The following ATXN10 variants were observed in gnomAD, a reference collection of about 807,000 sequenced individuals.
ATXN10 encodes the protein ataxin 10, also known as ataxin-10.
ATXN10 carries 28 observed loss-of-function variants against 52.9 expected under a neutral mutation model. The observed-to-expected ratio is 0.53, with a 90% CI of 0.39 to 0.73. The LOEUF (loss-of-function observed/expected upper bound fraction) is 0.73, where lower values mean the gene tolerates loss of function less well. ATXN10 is among the 30% of genes least tolerant of loss of function. ATXN10 has a pLI of 0.00. For synonymous variants in ATXN10, 226 were observed against 221.5 expected, an observed-to-expected ratio of 1.02 and a Z score of -0.18; for missense variants, 565 against 577.0, an observed-to-expected ratio of 0.98 and a Z score of 0.21.
At chr22:45,709,730 T>A (rs1924172404) in intron 5 of ATXN10, among the ~76,000 whole-genome samples, 1 of 152,230 alleles carries the variant, frequency 6.6e-6, no homozygotes. Context: ...AAGCTCTAGG[T>A]TTACATATAC....
At chr22:45,768,153 C>A (rs1926652319) in intron 9 of ATXN10, among the ~76,000 whole-genome samples, 2 of 152,108 alleles carry the variant, frequency 1.3e-5, no homozygotes, top group African/African-American at 4.8e-5. Flanking sequence ...GAACTAAAAT[C>A]GTTGAGCCCT....
At chr22:45,682,519 A>G (rs1601586140) in intron 1 of ATXN10, among the ~76,000 whole-genome samples, 1 of 152,150 alleles carries the variant, frequency 6.6e-6, no homozygotes, top group East Asian at 1.9e-4. Flanking sequence ...CATGTTGCCC[A>G]GTCTGGTCTT....
chr22:45,707,520 G>A (rs1924088162), intron 5 of ATXN10, among the ~76,000 whole-genome samples: 1 of 151,140 alleles, frequency 6.6e-6, no homozygotes, highest in Non-Finnish European at 1.5e-5. Flanking sequence ...CTGTAGCTGA[G>A]TTCTGTTTTA....
intron 3 of ATXN10, 151 bp from the exon 4 acceptor site, chr22:45,700,131 C>T (rs1035467210): frequency 1.6e-6 from 1 of 627,360 alleles, no homozygotes; most frequent in Middle Eastern, 4.5e-4. Flanking sequence ...TCATGTTATT[C>T]CCAAAGTGAA....
chr22:45,843,000 A>C lies in ATXN10; in HGVS notation c.1247A>C (p.Gln416Pro), dbSNP rs758540049. 2.0e-5 allele frequency: 32 copies of C among 1,614,210 alleles called. No individual in the cohort carries two copies. The highest frequency in any genetic ancestry group is 2.7e-5 in the Non-Finnish European group (32 of 1,180,024). The change falls in exon 11 of 12, where the codon CAG becomes CCG. Residue 416 changes from glutamine to proline, a missense_variant. Transcript: ENST00000252934. The surrounding 1 kb of genome is among the most constrained non-coding windows in gnomAD (Gnocchi z 4.8). ...NISDSNPFLTQWVIYAIRNLT... is the reference protein window; with the variant it reads ...NISDSNPFLTPWVIYAIRNLT... Reference sequence around the variant, plus strand: ...TTCACTCTGGCTCCAGTTCTGACCCAGTGGGTGATATATGCCATCCGAAAC... The same window carrying C: ...TTCACTCTGGCTCCAGTTCTGACCCCGTGGGTGATATATGCCATCCGAAAC...
At chr22:45,725,589 A>T (rs931805580) in intron 6 of ATXN10, among the ~76,000 whole-genome samples, 1 of 152,270 alleles carries the variant, frequency 6.6e-6, no homozygotes, top group African/African-American at 2.4e-5. Context: ...TTTTCTAGGT[A>T]TATGATCGTA....
rs6007168 is a variant in ATXN10, at chr22:45,822,399, C to T, written c.1237+15377C>T. On this transcript the variant is annotated intron_variant, in intron 10 of 11. Coordinates refer to ENST00000252934, the MANE Select transcript of ATXN10 (RefSeq NM_013236.4). ...TCTTCAGAGTAGTGGTACCTGTTTTCCATCAGCAGTATATGAAAGCTCCTT... is the reference window on the plus strand; with the variant it reads ...TCTTCAGAGTAGTGGTACCTGTTTTTCATCAGCAGTATATGAAAGCTCCTT... Among the ~76,000 whole-genome samples, 573 of 152,218 alleles carry T rather than the reference C, an allele frequency of 3.8e-3. 4 individuals carry two copies. Among genetic ancestry groups the T allele is most frequent in the African/African-American group, 0.013 (541 of 41,508 alleles).
intron 9 of ATXN10, among the ~76,000 whole-genome samples, chr22:45,804,533 A>G (rs1182348882): frequency 6.6e-6 from 1 of 152,232 alleles, no homozygotes; most frequent in Non-Finnish European, 1.5e-5. Context: ...TCAGCGGGAC[A>G]TGGCGTTTGG....
At chr22:45,747,917 T>TA (rs990013532) in intron 9 of ATXN10, among the ~76,000 whole-genome samples, 3 of 150,616 alleles carry the variant, frequency 2.0e-5, no homozygotes, top group African/African-American at 4.9e-5. Flanking sequence ...CTCCCATCTC[T>TA]AAAAAAATAA....
At chr22:45,821,166 A>G (rs149107815) in intron 10 of ATXN10, among the ~76,000 whole-genome samples, 83 of 152,272 alleles carry the variant, frequency 5.5e-4, no homozygotes, top group African/African-American at 1.8e-3. Context: ...AGAGAAGCCA[A>G]AGTGTATCAG....
chr22:45,746,024 T>C (rs973003648), intron 9 of ATXN10, among the ~76,000 whole-genome samples: 1 of 152,170 alleles, frequency 6.6e-6, no homozygotes, highest in Non-Finnish European at 1.5e-5. Context: ...TTTACTGTAA[T>C]TTGCCATCGT....
chr22:45,807,934 A>G (rs1469050606), intron 10 of ATXN10, among the ~76,000 whole-genome samples: 1 of 152,256 alleles, frequency 6.6e-6, no homozygotes, highest in Non-Finnish European at 1.5e-5. Flanking sequence ...GCTTCTGCCA[A>G]GAAGAGAAAA....
At chr22:45,751,738 T>TGG (rs373480625) in intron 9 of ATXN10, among the ~76,000 whole-genome samples, 5 of 124,088 alleles carry the variant, frequency 4.0e-5, no homozygotes, top group East Asian at 2.2e-4. Context: ...TACCTTTTTC[T>TGG]GGAAAAAAAA....
Position 45,772,148 on chromosome 22 carries a change from T to C in ATXN10, c.1173+31610T>C, listed in dbSNP as rs1289691629. ...TGTGTCATTTCAAGAACTCTGTCCC[T>C]AATTCAGAATCACAAGAATTTTCTC... is the stretch of plus-strand genomic sequence containing the variant. On this transcript the variant is annotated intron_variant, in intron 9 of 11. Transcript: ENST00000252934. The surrounding 1 kb of genome is among the most constrained non-coding windows in gnomAD (Gnocchi z 4.1). 2.6e-5 allele frequency among the ~76,000 whole-genome samples: 4 copies of C among 152,232 alleles called. No individual in the cohort carries two copies. The highest frequency in any genetic ancestry group is 5.9e-5 in the Non-Finnish European group (4 of 68,042).
chr22:45,672,238 G>A, intron 1 of ATXN10, 59 bp downstream of exon 1: 1 of 1,423,438 alleles, frequency 7.0e-7, no homozygotes, highest in Non-Finnish European at 9.2e-7. Context: ...GACTCCCGCG[G>A]CGGCCCCGGC....
intron 10 of ATXN10, among the ~76,000 whole-genome samples, chr22:45,807,828 T>C (rs1332883716): frequency 6.6e-6 from 1 of 152,136 alleles, no homozygotes; most frequent in African/African-American, 2.4e-5. Flanking sequence ...ATAAGGCTAC[T>C]GCAAGGACTG....
At position 45,683,375 on chromosome 22, in the gene ATXN10, G is replaced by A. The variant is rs557877299; in HGVS notation, c.117-6337G>A. 3.3e-5 allele frequency among the ~76,000 whole-genome samples: 5 copies of A among 152,206 alleles called. No homozygotes were observed. Among genetic ancestry groups the A allele is most frequent in the Admixed American group, 1.3e-4 (2 of 15,278 alleles). ...GCTTCACATCAGGATAAAAGCCAGC[G>A]TCCTTCCGTGGCCTACTGTGCCTGT... On this transcript the variant is annotated intron_variant, in intron 1 of 11. Coordinates refer to ENST00000252934, the MANE Select transcript of ATXN10 (RefSeq NM_013236.4). This position sits in a 1 kb window ranked among gnomAD's most constrained non-coding sequence, Gnocchi z 4.8.
chr22:45,777,217 A>G (rs1926990783), intron 9 of ATXN10, among the ~76,000 whole-genome samples: 1 of 152,228 alleles, frequency 6.6e-6, no homozygotes, highest in African/African-American at 2.4e-5. Flanking sequence ...GCCTATAATT[A>G]TCAAGATTAT....
chr22:45,760,684 A>C (rs1378684065), intron 9 of ATXN10: 1 of 154,068 alleles, frequency 6.5e-6, no homozygotes, highest in Non-Finnish European at 1.5e-5. Context: ...CTCTTACCTC[A>C]TTTAATGATG....
Sources: gnomAD v4.1 joint callset for allele counts (sites outside exome capture counted in the v4.1 genomes callset) on GRCh38, gnomAD v4.1.1 for gene constraint, Gnocchi (gnomAD v3.1) non-coding constraint, MANE v1.5 for transcripts, NCBI Gene and HGNC (gene_info 2026-07-23, HGNC 2026-07-21) for gene names.